TSPAN11: variants seen among roughly 807,000 people sequenced by gnomAD.
TSPAN11 encodes the protein tetraspanin-11.
In TSPAN11, 29 loss-of-function variants were observed where a neutral mutation model predicts 32.9. The ratio of observed to expected loss-of-function variants is 0.88; its 90% CI spans 0.66 to 1.20. The LOEUF is 1.20. Ranked by LOEUF, TSPAN11 falls within the 50% of genes most tolerant of loss-of-function variation. The pLI is 0.00. For synonymous variants in TSPAN11, 140 were observed against 141.3 expected (o/e 0.99, Z 0.07); for missense variants, 283 against 329.1 (o/e 0.86, Z 1.08).
intron 7 of TSPAN11, among the ~76,000 whole-genome samples, chr12:30,987,182 G>A (rs1939216454): frequency 1.3e-5 from 2 of 152,184 alleles, no homozygotes; most frequent in South Asian, 4.1e-4. Context: ...ACAAAGATGT[G>A]GCCTGGAACT....
intron 3 of TSPAN11, among the ~76,000 whole-genome samples, chr12:30,971,896 C>T (rs945250247): frequency 6.6e-6 from 1 of 151,724 alleles, no homozygotes; most frequent in South Asian, 2.1e-4. Flanking sequence ...TCTAGCTTCA[C>T]TTTGGATCTA....
chr12:30,971,761 G>T (rs1329952801), intron 3 of TSPAN11, among the ~76,000 whole-genome samples: 1 of 149,990 alleles, frequency 6.7e-6, no homozygotes, highest in Non-Finnish European at 1.5e-5. Flanking sequence ...AAAAAAAAAA[G>T]AAATAAAAAG....
intron 2 of TSPAN11, among the ~76,000 whole-genome samples, chr12:30,958,241 A>G (rs1266301137): frequency 2.0e-5 from 3 of 152,086 alleles, no homozygotes; most frequent in Non-Finnish European, 2.9e-5. Context: ...TAGTGTTCTG[A>G]TTTATTTTAT....
In TSPAN11 at chr12:30,982,564, C is replaced by T; in HGVS notation, c.489C>T (p.Asp163=). 6.2e-7 allele frequency: 1 copy of T among 1,611,830 alleles called. No homozygotes were observed. Residue 163 remains aspartate, a synonymous_variant, in exon 6 of 8, where the codon GAC becomes GAT. Transcript: ENST00000546076. The part of the protein sequence containing the change: ...FKCCGSNSSA[D]WQHSTYILLR... ...GCTGTGGAAGCAACAGCTCAGCCGACTGGCAGCACAGCACGTACATCCTGT... is the reference window on the plus strand; with the variant it reads ...GCTGTGGAAGCAACAGCTCAGCCGATTGGCAGCACAGCACGTACATCCTGT...
At chr12:30,943,744 T>A (rs1938213023) in intron 1 of TSPAN11, among the ~76,000 whole-genome samples, 1 of 152,164 alleles carries the variant, frequency 6.6e-6, no homozygotes, top group Non-Finnish European at 1.5e-5. Context: ...TGAGGAAGTC[T>A]CACTTCTATG....
At chr12:30,980,067 G>A (rs1939058163) in intron 5 of TSPAN11, among the ~76,000 whole-genome samples, 2 of 152,350 alleles carry the variant, frequency 1.3e-5, no homozygotes, top group South Asian at 4.1e-4. Context: ...CTTCCCCGGG[G>A]AGCTGGCTGC....
intron 7 of TSPAN11, among the ~76,000 whole-genome samples, chr12:30,984,552 CTTTTT>C (rs55772956): frequency 1.0e-4 from 7 of 68,570 alleles, no homozygotes; most frequent in Admixed American, 2.2e-4. Context: ...TCGCTTTTTG[CTTTTT>C]TTTTTTTTTT....
At chr12:31,001,775 C>T in the TSPAN11 span, among the ~76,000 whole-genome samples, 1 of 152,120 alleles carries the variant, frequency 6.6e-6, no homozygotes, top group Non-Finnish European at 1.5e-5. Flanking sequence ...CTGAAGAGCC[C>T]AGATCCATCC....
chr12:30,976,756 A>G (rs1251699113), intron 3 of TSPAN11, among the ~76,000 whole-genome samples: 1 of 152,194 alleles, frequency 6.6e-6, no homozygotes, highest in Non-Finnish European at 1.5e-5. Context: ...CTGTGCCTGC[A>G]GGCAGCATCT....
chr12:30,939,976 G>A (rs1938126995), intron 1 of TSPAN11, among the ~76,000 whole-genome samples: 1 of 152,208 alleles, frequency 6.6e-6, no homozygotes, highest in South Asian at 2.1e-4. Context: ...ATTGGAAAAC[G>A]AGAGAAAAGA....
At position 30,957,705 on chromosome 12, in the gene TSPAN11, CTCCT is replaced by C. The variant is rs1265062204; in HGVS notation, c.84+3650_84+3653del. Among the ~76,000 whole-genome samples, 497 of 52,396 alleles carry C rather than the reference CTCCT, an allele frequency of 9.5e-3. 30 individuals carry two copies. Among genetic ancestry groups the C allele is most frequent in the African/African-American group, 0.09 (380 of 4,218 alleles). 34.4% of individuals were successfully genotyped at this position (52,396 alleles called of 152,430 possible). On this transcript the variant is annotated intron_variant, in intron 2 of 7. Transcript: ENST00000546076. ...CTGTCCTGCCTCCCTCCCTCCCTCC[CTCCT>C]TCCTTCCTTCCTTCCTTCCCTCCTT...
chr12:31,012,198 T>G, the TSPAN11 span, among the ~76,000 whole-genome samples: 1 of 152,248 alleles, frequency 6.6e-6, no homozygotes, highest in East Asian at 1.9e-4. Flanking sequence ...CTCCTGGCTG[T>G]GCACCGCTAT....
intron 4 of TSPAN11, 81 bp downstream of exon 4, chr12:30,978,716 A>T: frequency 7.0e-7 from 1 of 1,436,644 alleles, no homozygotes. Context: ...CATTGTGATG[A>T]GGGAAGCTGA....
chr12:30,938,532 C>G (rs1461119814), intron 1 of TSPAN11, among the ~76,000 whole-genome samples: 1 of 152,208 alleles, frequency 6.6e-6, no homozygotes, highest in African/African-American at 2.4e-5. Context: ...CAATGAGCAG[C>G]TGGGCACTTG....
rs1052076760 is a variant in TSPAN11, at chr12:30,992,299, T to G, written c.*384T>G. 1.7e-5 allele frequency: 5 copies of G among 291,730 alleles called. No individual in the cohort carries two copies. The highest frequency in any genetic ancestry group is 1.1e-4 in the African/African-American group (5 of 47,284). The allele number at this position is 291,730 out of a possible 1,614,324, so 18.1% of individuals were successfully genotyped here. On this transcript the variant is annotated 3_prime_UTR_variant, in exon 8 of 8. Transcript: ENST00000546076. ...GAAAACCCAGGAACCCCGGCACTCC[T>G]GCATTCAGCACGGGATTCCCCCACC...
chr12:30,979,267 G>A (rs572056988), intron 4 of TSPAN11, among the ~76,000 whole-genome samples: 12 of 152,152 alleles, frequency 7.9e-5, no homozygotes, highest in Admixed American at 4.6e-4. Context: ...CCTCACCACC[G>A]CCTCCCACCA....
At chr12:31,006,968 C>G in the TSPAN11 span, among the ~76,000 whole-genome samples, 1 of 152,208 alleles carries the variant, frequency 6.6e-6, no homozygotes, top group Non-Finnish European at 1.5e-5. Context: ...TCTACCCGCA[C>G]TTGCACGCTG....
At position 30,975,617 on chromosome 12, in the gene TSPAN11, T is replaced by G. The variant is rs1411531805; in HGVS notation, c.277-2944T>G. On this transcript the variant is annotated intron_variant, in intron 3 of 7. Transcript: ENST00000546076. This position sits in a 1 kb window ranked among gnomAD's most constrained non-coding sequence, Gnocchi z 4.5. ...TTTAGCCAGCCACTAAACCAATGGG[T>G]GAGGTTCAGTATCTCTACCTCCCCA... 6.6e-6 allele frequency among the ~76,000 whole-genome samples: 1 copy of G among 151,620 alleles called. No individual in the cohort carries two copies. Among genetic ancestry groups the G allele is most frequent in the Non-Finnish European group, 1.5e-5 (1 of 67,882 alleles).
Position 30,991,845 on chromosome 12 carries a change from C to A in TSPAN11, c.703-11C>A, listed in dbSNP as rs373649320. 3 of 1,614,070 alleles carry A rather than the reference C, an allele frequency of 1.9e-6. No individual in the cohort carries two copies. The highest frequency in any genetic ancestry group is 2.7e-5 in the African/African-American group (2 of 74,918). ...ATTTCTCTTTGCTCCTCTGCTCTCT[C>A]CACCTGGCAGATCTGCGGGATGGTT... On this transcript the variant is annotated splice_polypyrimidine_tract_variant and intron_variant, in intron 7 of 7. Coordinates refer to ENST00000546076, the MANE Select transcript of TSPAN11 (RefSeq NM_001370302.1).
Sources: allele counts gnomAD v4.1 joint callset (sites outside exome capture counted in the v4.1 genomes callset), GRCh38; gene constraint gnomAD v4.1.1; non-coding constraint Gnocchi (gnomAD v3.1); transcripts MANE v1.5; gene names NCBI Gene and HGNC (gene_info 2026-07-23, HGNC 2026-07-21).